REPS1: variants seen among roughly 807,000 people sequenced by gnomAD.
The protein encoded by REPS1 is ralBP1-associated Eps domain-containing protein 1.
In REPS1, 39 loss-of-function variants were observed where a neutral mutation model predicts 100.9. The ratio of observed to expected loss-of-function variants is 0.39; its 90% CI spans 0.30 to 0.50. The LOEUF (loss-of-function observed/expected upper bound fraction) is 0.50, where lower values mean the gene tolerates loss of function less well. Among genes scored for constraint, REPS1 ranks in the 20% least tolerant of loss-of-function variants. The pLI is 0.86. For missense variants in REPS1, 821 were observed against 968.5 expected, an observed-to-expected ratio of 0.85 and a Z score of 2.02; for synonymous variants, 324 against 340.3, an observed-to-expected ratio of 0.95 and a Z score of 0.53.
At chr6:138,954,900 C>T (rs1362761323) in intron 1 of REPS1, among the ~76,000 whole-genome samples, 2 of 152,130 alleles carry the variant, frequency 1.3e-5, no homozygotes, top group Non-Finnish European at 2.9e-5. Flanking sequence ...ATACATCTTA[C>T]ACAGGTAGGG....
Position 138,908,810 on chromosome 6 carries a change from C to T in REPS1, c.2074G>A (p.Gly692Ser). ...GGTGGTGGAGCAAGTGGTGTTGTGC[C>T]TTTGCTCTTTAAGACAAGAATTCCA... is the stretch of plus-strand genomic sequence containing the variant. ...AASAPANVSKGTTPLAPPPKP... is the reference protein window; with the variant it reads ...AASAPANVSKSTTPLAPPPKP... Residue 692 changes from glycine (G) to serine (S), a missense_variant, in exon 18 of 20, where the codon GGC (glycine) becomes AGC (serine). Physicochemically the swap from Gly to Ser is moderately conservative, Grantham distance 56 (BLOSUM62 0). Around this residue, in one of 3 missense-constraint regions of REPS1, gnomAD observed 757 missense variants for 866.4 expected, o/e 0.87. Transcript: ENST00000450536. 5 of 1,612,802 alleles carry T rather than the reference C, an allele frequency of 3.1e-6. No homozygotes were observed. The highest frequency in any genetic ancestry group is 4.2e-6 in the Non-Finnish European group (5 of 1,179,702).
chr6:138,936,933 C>A (rs2128465825), intron 8 of REPS1, among the ~76,000 whole-genome samples: 1 of 152,238 alleles, frequency 6.6e-6, no homozygotes, highest in Non-Finnish European at 1.5e-5. Context: ...TTCTATTAGT[C>A]CATTTTCACA....
intron 1 of REPS1, among the ~76,000 whole-genome samples, chr6:138,982,602 T>A (rs1351333427): frequency 1.3e-5 from 2 of 152,230 alleles, no homozygotes; most frequent in African/African-American, 4.8e-5. Context: ...GCCACAACAC[T>A]GAATATTTTC....
chr6:138,960,392 G>A (rs1783661218), intron 1 of REPS1, among the ~76,000 whole-genome samples: 1 of 151,704 alleles, frequency 6.6e-6, no homozygotes, highest in African/African-American at 2.4e-5. Flanking sequence ...ATTACCATAT[G>A]AGAATTTAAA....
At chr6:138,945,811 A>G (rs1782575851) in intron 2 of REPS1, 114 bp from the exon 3 acceptor site, 1 of 848,614 alleles carries the variant, frequency 1.2e-6, no homozygotes, top group African/African-American at 1.8e-5. Context: ...TACAGAAACA[A>G]GAGGCACAAA....
At chr6:138,984,079 T>TC (rs1018611877) in intron 1 of REPS1, among the ~76,000 whole-genome samples, 15 of 115,488 alleles carry the variant, frequency 1.3e-4, no homozygotes, top group South Asian at 5.4e-4. Flanking sequence ...TCTCTCTCTC[T>TC]TTTTTTTTTT....
intron 17 of REPS1, 30 bp downstream of exon 17, chr6:138,911,246 A>T: frequency 1.4e-6 from 2 of 1,411,266 alleles, no homozygotes; most frequent in Non-Finnish European, 2.0e-6. Flanking sequence ...TGATGTACAA[A>T]ATTATTATTA....
chr6:138,919,230 C>G (rs543054401), intron 12 of REPS1, among the ~76,000 whole-genome samples: 1 of 152,214 alleles, frequency 6.6e-6, no homozygotes, highest in Admixed American at 6.5e-5. Context: ...GAGGTCTTTT[C>G]CTCCACAATG....
intron 8 of REPS1, among the ~76,000 whole-genome samples, chr6:138,935,233 A>G (rs1032618363): frequency 6.6e-6 from 1 of 152,210 alleles, no homozygotes; most frequent in Non-Finnish European, 1.5e-5. Context: ...AAAAAAATCA[A>G]AGTAAAAATG....
chr6:138,912,105 T>C (rs1180177853), intron 16 of REPS1, among the ~76,000 whole-genome samples: 1 of 152,112 alleles, frequency 6.6e-6, no homozygotes, highest in African/African-American at 2.4e-5. Context: ...AGTAGGAAAT[T>C]TTCCATGGCT....
chr6:138,953,507 C>A (rs966761276), intron 1 of REPS1, among the ~76,000 whole-genome samples: 1 of 151,830 alleles, frequency 6.6e-6, no homozygotes, highest in Non-Finnish European at 1.5e-5. Flanking sequence ...AAAAACAAAA[C>A]AAAACAAAAC....
At chr6:138,962,898 G>C (rs1378934086) in intron 1 of REPS1, among the ~76,000 whole-genome samples, 3 of 151,986 alleles carry the variant, frequency 2.0e-5, no homozygotes, top group Non-Finnish European at 1.5e-5. Context: ...ATTTTTCTGC[G>C]GTCCCTCTCC....
intron 1 of REPS1, among the ~76,000 whole-genome samples, chr6:138,969,555 C>T (rs1784216649): frequency 6.6e-6 from 1 of 150,816 alleles, no homozygotes; most frequent in Non-Finnish European, 1.5e-5. Context: ...TCCCAAAGTG[C>T]TGGGATTACA....
chr6:138,954,467 T>C (rs1783245723), intron 1 of REPS1, among the ~76,000 whole-genome samples: 1 of 127,244 alleles, frequency 7.9e-6, no homozygotes. Flanking sequence ...GGGCCACATA[T>C]AAAATACACT....
chr6:138,936,877 T>C (rs1188886), intron 8 of REPS1, among the ~76,000 whole-genome samples: 55,376 of 152,074 alleles, frequency 0.36, 11,916 homozygotes, highest in Admixed American at 0.51. Context: ...AGGTACATCA[T>C]ATTATGGAAT....
chr6:138,930,059 G>A lies in REPS1; in HGVS notation c.1175C>T (p.Ser392Phe), dbSNP rs748571513. Residue 392 changes from serine (S) to phenylalanine (F), a missense_variant, in exon 9 of 20, where the codon TCT (serine) becomes TTT (phenylalanine). By Grantham distance (155) the Ser-to-Phe change is radical. This residue lies in a region of REPS1 where 757 missense variants were observed against 866.4 expected (regional missense o/e 0.87). Transcript: ENST00000450536. ...DQPGEVGYSGSPAEAPPSKSP... is the reference protein window; with the variant it reads ...DQPGEVGYSGFPAEAPPSKSP... Reference sequence around the variant, plus strand: ...CTTGCTTGGAGGAGCTTCAGCAGGAGAGCCTGAATAACCTACCTCACCTGG... The same window carrying A: ...CTTGCTTGGAGGAGCTTCAGCAGGAAAGCCTGAATAACCTACCTCACCTGG... The A allele has an allele frequency of 6.2e-7, 1 of 1,613,472 alleles. No homozygotes were observed. Among genetic ancestry groups the A allele is most frequent in the Non-Finnish European group, 8.5e-7 (1 of 1,179,522 alleles).
At chr6:138,913,957 A>T (rs1212496230) in intron 15 of REPS1, among the ~76,000 whole-genome samples, 3 of 152,236 alleles carry the variant, frequency 2.0e-5, no homozygotes, top group African/African-American at 7.2e-5. Flanking sequence ...AAAGCATTTT[A>T]TAAATGTCTA....
intron 8 of REPS1, among the ~76,000 whole-genome samples, chr6:138,930,722 CA>C (rs574834598): frequency 6.6e-6 from 1 of 151,600 alleles, no homozygotes; most frequent in African/African-American, 2.4e-5. Flanking sequence ...CCCTTGTTAA[CA>C]AAAAAACAGA....
intron 8 of REPS1, 51 bp from the exon 9 acceptor site, chr6:138,930,149 T>C (rs1460395317): frequency 6.0e-6 from 9 of 1,505,746 alleles, no homozygotes; most frequent in Non-Finnish European, 8.2e-6. Flanking sequence ...TTGTAGTTTA[T>C]TTTAGGCATA....
Sources: gnomAD v4.1 joint callset for allele counts (sites outside exome capture counted in the v4.1 genomes callset) on GRCh38, gnomAD v4.1.1 for gene constraint, gnomAD v4.1.1 regional missense constraint, MANE v1.5 for transcripts, NCBI Gene and HGNC (gene_info 2026-07-23, HGNC 2026-07-21) for gene names.